SLC9A9: variants seen among roughly 807,000 people sequenced by gnomAD.
SLC9A9 encodes the protein sodium/hydrogen exchanger 9.
SLC9A9 carries 62 observed loss-of-function variants against 77.8 expected under a neutral mutation model. The ratio of observed to expected loss-of-function variants is 0.80; its 90% CI spans 0.65 to 0.98. SLC9A9 has a LOEUF of 0.98. Among genes scored for constraint, SLC9A9 ranks in the 50% least tolerant of loss-of-function variants. SLC9A9 has a pLI of 0.00. For synonymous variants in SLC9A9, 320 were observed against 283.5 expected (o/e 1.13, Z -1.29); for missense variants, 775 against 774.9 (o/e 1.00, Z 0.00).
At chr3:143,268,579 A>G (rs929442615) in intron 15 of SLC9A9, among the ~76,000 whole-genome samples, 1 of 151,790 alleles carries the variant, frequency 6.6e-6, no homozygotes, top group African/African-American at 2.4e-5. Flanking sequence ...TAAAAGTACA[A>G]AAAATTAGCT....
intron 4 of SLC9A9, among the ~76,000 whole-genome samples, chr3:143,772,706 A>G (rs1170708317): frequency 6.6e-6 from 1 of 152,226 alleles, no homozygotes; most frequent in African/African-American, 2.4e-5. Context: ...TAATAAGCTG[A>G]GTGGTTGCCC....
chr3:143,723,844 G>A (rs77068955), intron 4 of SLC9A9, among the ~76,000 whole-genome samples: 2,746 of 152,198 alleles, frequency 0.018, 75 homozygotes, highest in African/African-American at 0.061. Flanking sequence ...CAGAATCCCA[G>A]GTCAGAGTAC....
chr3:143,425,264 C>CTTTTTTTTTTTTTTTTTTTT (rs200568656), intron 12 of SLC9A9, among the ~76,000 whole-genome samples: 1 of 98,578 alleles, frequency 1.0e-5, no homozygotes, highest in African/African-American at 4.1e-5. Flanking sequence ...TGAGGCTTAG[C>CTTTTTTTTTTTTTTTTTTTT]TTTTTTTTTT....
intron 5 of SLC9A9, among the ~76,000 whole-genome samples, chr3:143,672,309 C>A (rs2039169169): frequency 6.6e-6 from 1 of 151,788 alleles, no homozygotes; most frequent in African/African-American, 2.4e-5. Context: ...AATGCAGAGG[C>A]AGAGAGGGCC....
chr3:143,501,855 G>A (rs838602), intron 9 of SLC9A9, among the ~76,000 whole-genome samples: 38,227 of 150,518 alleles, frequency 0.25, 5,947 homozygotes, highest in Non-Finnish European at 0.34. Flanking sequence ...TCTCCTGAAG[G>A]CATGTTTCAA....
intron 12 of SLC9A9, among the ~76,000 whole-genome samples, chr3:143,408,322 A>C (rs1238780336): frequency 6.6e-6 from 1 of 152,176 alleles, no homozygotes; most frequent in African/African-American, 2.4e-5. Flanking sequence ...CACATATTGC[A>C]TATTGGGGCT....
At chr3:143,543,030 C>A (rs1299450666) in intron 9 of SLC9A9, among the ~76,000 whole-genome samples, 1 of 152,104 alleles carries the variant, frequency 6.6e-6, no homozygotes, top group Non-Finnish European at 1.5e-5. Context: ...CATAACTAAC[C>A]CTTAAAACCA....
intron 6 of SLC9A9, among the ~76,000 whole-genome samples, chr3:143,597,517 A>G (rs561712575): frequency 1.5e-4 from 23 of 152,314 alleles, no homozygotes; most frequent in African/African-American, 5.3e-4. Context: ...GACAGAGCGG[A>G]CAGCGTAAGA....
intron 12 of SLC9A9, among the ~76,000 whole-genome samples, chr3:143,434,130 A>G (rs974418914): frequency 6.6e-6 from 1 of 152,152 alleles, no homozygotes; most frequent in African/African-American, 2.4e-5. Context: ...ATTTCCCTTA[A>G]TTTAGGCAAT....
chr3:143,546,747 T>C (rs116610155), intron 9 of SLC9A9, among the ~76,000 whole-genome samples: 3,553 of 152,278 alleles, frequency 0.023, 152 homozygotes, highest in African/African-American at 0.082. Flanking sequence ...ATACATCATT[T>C]TTTTCTTTAC....
intron 5 of SLC9A9, among the ~76,000 whole-genome samples, chr3:143,660,048 A>G (rs2038956657): frequency 6.6e-6 from 1 of 152,232 alleles, no homozygotes; most frequent in Non-Finnish European, 1.5e-5. Context: ...AGGCCTTCCC[A>G]GCCATGTGGA....
At chr3:143,682,721 T>C (rs909642897) in intron 5 of SLC9A9, among the ~76,000 whole-genome samples, 1 of 152,178 alleles carries the variant, frequency 6.6e-6, no homozygotes, top group Non-Finnish European at 1.5e-5. Flanking sequence ...CTTTGCCCTT[T>C]CCAACTTCCA....
intron 2 of SLC9A9, among the ~76,000 whole-genome samples, chr3:143,824,616 A>T (rs974503508): frequency 8.5e-5 from 13 of 152,210 alleles, no homozygotes; most frequent in African/African-American, 2.9e-4. Flanking sequence ...CCATGAGCAC[A>T]AGGACTTCGT....
intron 6 of SLC9A9, among the ~76,000 whole-genome samples, chr3:143,611,846 G>T (rs928642413): frequency 2.0e-5 from 3 of 152,102 alleles, no homozygotes; most frequent in Non-Finnish European, 4.4e-5. Context: ...TAATCTTCTT[G>T]TCTCAGCCTC....
chr3:143,269,998 G>C (rs1937853960), intron 14 of SLC9A9, among the ~76,000 whole-genome samples: 1 of 152,214 alleles, frequency 6.6e-6, no homozygotes, highest in Non-Finnish European at 1.5e-5. Context: ...ATGCAGCCCA[G>C]TGGAGGCTAA....
intron 13 of SLC9A9, among the ~76,000 whole-genome samples, chr3:143,367,430 T>A (rs2032941332): frequency 6.6e-6 from 1 of 152,208 alleles, no homozygotes; most frequent in Admixed American, 6.5e-5. Flanking sequence ...AGAATATGTC[T>A]TAAATATCTT....
At chr3:143,311,973 G>A (rs1231410156) in intron 14 of SLC9A9, among the ~76,000 whole-genome samples, 2 of 152,216 alleles carry the variant, frequency 1.3e-5, no homozygotes, top group African/African-American at 4.8e-5. Context: ...AGATTTTTGT[G>A]AGATAGAAAC....
intron 1 of SLC9A9, among the ~76,000 whole-genome samples, chr3:143,834,887 AC>A (rs759749986): frequency 1.3e-5 from 2 of 151,854 alleles, no homozygotes; most frequent in Non-Finnish European, 2.9e-5. Flanking sequence ...ATGAAAATGT[AC>A]CTCCCACTCT....
rs2008059293 is a variant in SLC9A9, at chr3:143,786,388, G to A, written c.533+8613C>T. Among the ~76,000 whole-genome samples the A allele has an allele frequency of 2.0e-5, 3 of 151,450 alleles. No individual in the cohort carries two copies. In the South Asian group the frequency reaches 6.2e-4, roughly 31 times the overall value. Reference sequence around the variant, plus strand: ...ATTTGTTCCCCTTTTTTATTCCCTCGGGACTTGCTTCATTTTCTCTCCCCT... The same window carrying A: ...ATTTGTTCCCCTTTTTTATTCCCTCAGGACTTGCTTCATTTTCTCTCCCCT... On this transcript the variant is annotated intron_variant, in intron 4 of 15. Transcript: ENST00000316549.
Sources: allele counts gnomAD v4.1 joint callset (sites outside exome capture counted in the v4.1 genomes callset), GRCh38; gene constraint gnomAD v4.1.1; transcripts MANE v1.5; gene names NCBI Gene and HGNC (gene_info 2026-07-23, HGNC 2026-07-21).